NFKB1: variants seen among roughly 807,000 people sequenced by gnomAD.
NFKB1 encodes the protein nuclear factor NF-kappa-B p105 subunit.
Under a neutral mutation model 105.1 loss-of-function variants are expected in NFKB1, and 9 were observed. The observed-to-expected ratio is 0.09, with a 90% CI of 0.05 to 0.15. The LOEUF is 0.15. Ranked by LOEUF, NFKB1 falls within the 10% of genes least tolerant of loss-of-function variation. NFKB1 has a pLI of 1.00. For missense variants in NFKB1, 830 were observed against 1,203.7 expected (o/e 0.69, Z 4.59); for synonymous variants, 440 against 442.2 (o/e 1.00, Z 0.06).
Position 102,607,030 on chromosome 4 carries a change from T to G in NFKB1, c.1955-120T>G. 7.2e-6 allele frequency: 7 copies of G among 972,952 alleles called. No homozygotes were observed. The South Asian group carries it at 9.0e-5, about 13-fold the overall frequency. 60.3% of individuals were successfully genotyped at this position (972,952 alleles called of 1,614,324 possible). A position where few individuals can be genotyped will look rare whatever the true frequency, so the allele number is the denominator to read the frequency against. On this transcript the variant is annotated intron_variant, in intron 17 of 23. Transcript: ENST00000226574. ...GGGTCTTCAAAGCAGAACAATAGAC[T>G]TATAGTATCTTTACTGTCCCTCCCC...
At chr4:102,572,689 G>A (rs762548565) in intron 6 of NFKB1, among the ~76,000 whole-genome samples, 31 of 152,030 alleles carry the variant, frequency 2.0e-4, no homozygotes, top group Non-Finnish European at 3.1e-4. Flanking sequence ...TTTAATTTGC[G>A]TTTCTCTAGT....
intron 1 of NFKB1, among the ~76,000 whole-genome samples, chr4:102,506,894 G>A (rs1241096076): frequency 6.6e-6 from 1 of 150,912 alleles, no homozygotes; most frequent in East Asian, 1.9e-4. Flanking sequence ...TAACTAATGT[G>A]TATATTAAAT....
intron 1 of NFKB1, among the ~76,000 whole-genome samples, chr4:102,524,592 T>C (rs1018207416): frequency 6.6e-6 from 1 of 152,156 alleles, no homozygotes; most frequent in Non-Finnish European, 1.5e-5. Flanking sequence ...TTTCTATTAT[T>C]ATTAACATTG....
chr4:102,606,965 A>G (rs1484775697), intron 17 of NFKB1, among the ~76,000 whole-genome samples, 185 bp from the exon 18 acceptor site: 1 of 152,220 alleles, frequency 6.6e-6, no homozygotes, highest in Admixed American at 6.5e-5. Context: ...GAGAATGTTT[A>G]TTTATGTTCA....
chr4:102,533,901 T>C lies in NFKB1; in HGVS notation c.159+16T>C. 1 of 1,605,580 alleles carries C rather than the reference T, an allele frequency of 6.2e-7. No homozygotes were observed. Among genetic ancestry groups the C allele is most frequent in the Non-Finnish European group, 8.5e-7 (1 of 1,173,958 alleles). ...ACCTAAACAGGTAAGATTAAAGGGGTGGGACTTTAAATGTTAGATTCCAGT... is the reference window on the plus strand; with the variant it reads ...ACCTAAACAGGTAAGATTAAAGGGGCGGGACTTTAAATGTTAGATTCCAGT... On this transcript the variant is annotated intron_variant, in intron 4 of 23. Coordinates refer to ENST00000226574, the MANE Select transcript of NFKB1 (RefSeq NM_003998.4).
chr4:102,566,990 T>C lies in NFKB1; in HGVS notation c.262T>C (p.Cys88Arg), dbSNP rs1560679373. 6.2e-7 allele frequency: 1 copy of C among 1,613,772 alleles called. No homozygotes were observed. The highest frequency in any genetic ancestry group is 8.5e-7 in the Non-Finnish European group (1 of 1,179,792). ...TTGGAATGTGCTTCTTATATAGATC[T>C]GCAACTATGTGGGACCAGCAAAGGT... ...NKKSYPQVKI[C>R]NYVGPAKVIV... Residue 88 changes from cysteine (C) to arginine (R), a missense_variant, in exon 6 of 24, where the codon TGC (cysteine) becomes CGC (arginine). Coordinates refer to ENST00000226574, the MANE Select transcript of NFKB1 (RefSeq NM_003998.4).
At chr4:102,513,648 GT>G (rs1366917376) in intron 1 of NFKB1, among the ~76,000 whole-genome samples, 1 of 152,118 alleles carries the variant, frequency 6.6e-6, no homozygotes, top group Non-Finnish European at 1.5e-5. Flanking sequence ...GTATTCTACA[GT>G]CTATTGATTC....
At chr4:102,548,833 C>G (rs1209777033) in intron 5 of NFKB1, among the ~76,000 whole-genome samples, 4 of 152,148 alleles carry the variant, frequency 2.6e-5, no homozygotes, top group Non-Finnish European at 5.9e-5. Flanking sequence ...AAATCTCCCT[C>G]TTCTTTCTCT....
Position 102,596,129 on chromosome 4 carries a change from T to A in NFKB1, c.1301-9T>A. The A allele has an allele frequency of 6.6e-7, 1 of 1,509,616 alleles. No individual in the cohort carries two copies. The highest frequency in any genetic ancestry group is 8.9e-7 in the Non-Finnish European group (1 of 1,120,204). 93.5% of individuals were successfully genotyped at this position (1,509,616 alleles called of 1,614,324 possible). On this transcript the variant is annotated splice_polypyrimidine_tract_variant and intron_variant, in intron 13 of 23. Coordinates refer to ENST00000226574, the MANE Select transcript of NFKB1 (RefSeq NM_003998.4). ...TGAGAAAAATCTGATGTTTTTGCAT[T>A]TATCTTAGGAACCATGGACACTGAA...
chr4:102,614,958 GCGACGCATCGAGTGTCAT>G (rs1728804165), intron 23 of NFKB1, among the ~76,000 whole-genome samples: 1 of 152,076 alleles, frequency 6.6e-6, no homozygotes, highest in South Asian at 2.1e-4. Context: ...CACTTCGTAT[GCGACGCATCGAGTGTCAT>G]CCTGTCTGCA....
chr4:102,593,170 T>C (rs1205656668), intron 11 of NFKB1: 1 of 271,316 alleles, frequency 3.7e-6, no homozygotes, highest in Admixed American at 5.3e-5. Flanking sequence ...TTAACAACAC[T>C]GGGGACTTAA....
At chr4:102,613,682 T>G in intron 23 of NFKB1, 101 bp downstream of exon 23, 1 of 1,341,592 alleles carries the variant, frequency 7.5e-7, no homozygotes, top group Non-Finnish European at 1.0e-6. Flanking sequence ...CTTTCTCGTT[T>G]TCTGGATACA....
rs1443940010 is a variant in NFKB1, at chr4:102,554,575, A to G, written c.259-12412A>G. ...AACTTTAGGGAGTTTAATGTTTCCTATTTTTGCACTCCTGGGATATTTTTC... is the reference window on the plus strand; with the variant it reads ...AACTTTAGGGAGTTTAATGTTTCCTGTTTTTGCACTCCTGGGATATTTTTC... On this transcript the variant is annotated intron_variant, in intron 5 of 23. Coordinates refer to ENST00000226574, the MANE Select transcript of NFKB1 (RefSeq NM_003998.4). Among the ~76,000 whole-genome samples the G allele has an allele frequency of 2.0e-5, 3 of 152,120 alleles. No individual in the cohort carries two copies. In the East Asian group the frequency reaches 5.8e-4, roughly 29 times the overall value.
At chr4:102,584,594 C>G in intron 10 of NFKB1, 88 bp from the exon 11 acceptor site, 1 of 1,317,384 alleles carries the variant, frequency 7.6e-7, no homozygotes. Context: ...TAAAGAAAAG[C>G]ATAAGGAATG....
At chr4:102,551,183 G>C (rs548627843) in intron 5 of NFKB1, among the ~76,000 whole-genome samples, 44 of 152,298 alleles carry the variant, frequency 2.9e-4, no homozygotes, top group African/African-American at 8.7e-4. Context: ...CCACCTGCCA[G>C]GCACAGTGCT....
chr4:102,577,180 T>C lies in NFKB1; in HGVS notation c.571+141T>C, dbSNP rs909357536. The C allele has an allele frequency of 1.7e-5, 14 of 817,380 alleles. No homozygotes were observed. The African/African-American group carries it at 2.3e-4, about 13-fold the overall frequency. The allele number at this position is 817,380 out of a possible 1,614,324, so 50.6% of individuals were successfully genotyped here. ...CTTTTCCTTGCTCAGAAACCTTTGA[T>C]GGCATCCTGCTACTTCTAGGATAAA... On this transcript the variant is annotated intron_variant, in intron 7 of 23. Coordinates refer to ENST00000226574, the MANE Select transcript of NFKB1 (RefSeq NM_003998.4).
chr4:102,529,121 G>A (rs1279178636), intron 2 of NFKB1, among the ~76,000 whole-genome samples: 2 of 152,072 alleles, frequency 1.3e-5, no homozygotes, highest in Non-Finnish European at 2.9e-5. Context: ...AATGACATAC[G>A]TAAATTTCCT....
chr4:102,540,402 C>T (rs4648006), intron 5 of NFKB1, among the ~76,000 whole-genome samples: 11,514 of 152,144 alleles, frequency 0.076, 532 homozygotes, highest in African/African-American at 0.14. Flanking sequence ...AATGAAACAA[C>T]TTAGTGGGCA....
intron 8 of NFKB1, among the ~76,000 whole-genome samples, chr4:102,579,973 A>G (rs544140141): frequency 7.0e-6 from 1 of 143,426 alleles, no homozygotes; most frequent in Non-Finnish European, 1.5e-5. Flanking sequence ...GCTGTTGGAG[A>G]AAAAAAAAAA....
Sources: gnomAD v4.1 joint callset for allele counts (sites outside exome capture counted in the v4.1 genomes callset) on GRCh38, gnomAD v4.1.1 for gene constraint, MANE v1.5 for transcripts, NCBI Gene and HGNC (gene_info 2026-07-23, HGNC 2026-07-21) for gene names.